DPP10: variants seen among roughly 807,000 people sequenced by gnomAD.
The protein encoded by DPP10 is dipeptidyl peptidase like 10, also known as inactive dipeptidyl peptidase 10.
DPP10 carries 33 observed loss-of-function variants against 120.9 expected under a neutral mutation model. The observed-to-expected ratio is 0.27, with a 90% CI of 0.21 to 0.37. DPP10 has a LOEUF of 0.37. Ranked by LOEUF, DPP10 falls within the 10% of genes least tolerant of loss-of-function variation. DPP10 has a pLI of 1.00. For synonymous variants in DPP10, 337 were observed against 326.1 expected, an observed-to-expected ratio of 1.03 and a Z score of -0.36; for missense variants, 816 against 942.8, an observed-to-expected ratio of 0.87 and a Z score of 1.76.
At chr2:114,626,876 T>C (rs1235014280) in intron 1 of DPP10, among the ~76,000 whole-genome samples, 2 of 152,144 alleles carry the variant, frequency 1.3e-5, no homozygotes, top group African/African-American at 4.8e-5. Flanking sequence ...CCCTATTCTT[T>C]GGCATTCTAT....
chr2:114,666,824 T>C (rs1280216397), intron 1 of DPP10, among the ~76,000 whole-genome samples: 1 of 152,196 alleles, frequency 6.6e-6, no homozygotes, highest in Non-Finnish European at 1.5e-5. Context: ...AAAAGGCATA[T>C]GATGGTAAAT....
chr2:115,186,843 A>G (rs572406635), intron 1 of DPP10, among the ~76,000 whole-genome samples: 1 of 152,134 alleles, frequency 6.6e-6, no homozygotes, highest in South Asian at 2.1e-4. Flanking sequence ...GGTAACTGGC[A>G]TGGCTGACTT....
chr2:114,591,354 T>C (rs1234598209), intron 1 of DPP10, among the ~76,000 whole-genome samples: 1 of 152,180 alleles, frequency 6.6e-6, no homozygotes, highest in East Asian at 1.9e-4. Context: ...AGCAAAGTCA[T>C]GGGTGGGAAG....
intron 1 of DPP10, among the ~76,000 whole-genome samples, chr2:114,841,253 A>T (rs367634537): frequency 6.6e-6 from 1 of 152,216 alleles, no homozygotes. Flanking sequence ...TTGTAGATGT[A>T]TTCTCAGATC....
Position 115,845,064 on chromosome 2 carries a change from T to A in DPP10, c.*2719T>A, listed in dbSNP as rs574679095. 7 of 152,274 alleles carry A rather than the reference T, an allele frequency of 4.6e-5. No homozygotes were observed. Among genetic ancestry groups the A allele is most frequent in the African/African-American group, 1.4e-4 (6 of 41,554 alleles). The allele number at this position is 152,274 out of a possible 1,614,324, so 9.4% of individuals were successfully genotyped here. A position where few individuals can be genotyped will look rare whatever the true frequency, so the allele number is the denominator to read the frequency against. ...GGATCTTACAGATGTCTGTTGTAGATCTATTACAATGAGGTGACTTAGACA... is the reference window on the plus strand; with the variant it reads ...GGATCTTACAGATGTCTGTTGTAGAACTATTACAATGAGGTGACTTAGACA... On this transcript the variant is annotated 3_prime_UTR_variant, in exon 26 of 26. Coordinates refer to ENST00000410059, the MANE Select transcript of DPP10 (RefSeq NM_020868.6).
rs1573337526 is a variant in DPP10 at position 115,021,926 on chromosome 2, T to C, written c.61-287313T>C. 5.3e-5 allele frequency among the ~76,000 whole-genome samples: 8 copies of C among 152,124 alleles called. 1 individual carries two copies. Among genetic ancestry groups the C allele is most frequent in the Admixed American group, 3.3e-4 (5 of 15,266 alleles). On this transcript the variant is annotated intron_variant, in intron 1 of 25. Coordinates refer to ENST00000410059, the MANE Select transcript of DPP10 (RefSeq NM_020868.6). Reference sequence around the variant, plus strand: ...AACAAAAATCACATGATCATCTCAATAGTCACAGAAAAGCGTTTGACAAAA... The same window carrying C: ...AACAAAAATCACATGATCATCTCAACAGTCACAGAAAAGCGTTTGACAAAA...
intron 3 of DPP10, among the ~76,000 whole-genome samples, chr2:115,415,223 C>T (rs1313065772): frequency 1.3e-5 from 2 of 152,118 alleles, no homozygotes; most frequent in East Asian, 1.9e-4. Flanking sequence ...TGTCTCAGCA[C>T]CCGTTTATCT....
chr2:114,691,727 G>T (rs146722425), intron 1 of DPP10, among the ~76,000 whole-genome samples: 5 of 152,036 alleles, frequency 3.3e-5, no homozygotes, highest in African/African-American at 4.8e-5. Context: ...TTTTTGGTTG[G>T]TAGACTATTT....
chr2:114,726,048 T>C (rs980927698), intron 1 of DPP10, among the ~76,000 whole-genome samples: 7 of 151,834 alleles, frequency 4.6e-5, no homozygotes, highest in Non-Finnish European at 1.0e-4. Context: ...CTGGCTAACA[T>C]GGTGAAACCC....
chr2:114,693,470 T>G (rs1699890087), intron 1 of DPP10, among the ~76,000 whole-genome samples: 1 of 151,998 alleles, frequency 6.6e-6, no homozygotes, highest in Non-Finnish European at 1.5e-5. Flanking sequence ...TGGCTTTTCC[T>G]TTGTAGGTGA....
At chr2:114,662,198 A>G (rs998198451) in intron 1 of DPP10, among the ~76,000 whole-genome samples, 1 of 152,174 alleles carries the variant, frequency 6.6e-6, no homozygotes, top group African/African-American at 2.4e-5. Context: ...AGGGGGAGCG[A>G]GAGGCGGAGG....
intron 5 of DPP10, among the ~76,000 whole-genome samples, chr2:115,603,330 C>A (rs1165240891): frequency 7.9e-6 from 1 of 127,230 alleles, no homozygotes; most frequent in Admixed American, 8.3e-5. Flanking sequence ...ACACCCACCC[C>A]CCGCCCCGCC....
intron 1 of DPP10, among the ~76,000 whole-genome samples, chr2:115,080,297 C>T (rs546032638): frequency 1.3e-5 from 2 of 152,194 alleles, no homozygotes; most frequent in Non-Finnish European, 2.9e-5. Flanking sequence ...GGATTACAGG[C>T]ATGATCCACC....
intron 1 of DPP10, among the ~76,000 whole-genome samples, chr2:115,023,862 A>AC (rs1703257986): frequency 6.6e-6 from 1 of 152,158 alleles, no homozygotes; most frequent in Non-Finnish European, 1.5e-5. Context: ...ATTCACAGCA[A>AC]CCTGGATGGA....
intron 1 of DPP10, among the ~76,000 whole-genome samples, chr2:115,058,544 C>T (rs1706129548): frequency 6.6e-6 from 1 of 152,122 alleles, no homozygotes; most frequent in African/African-American, 2.4e-5. Flanking sequence ...GGATTACAGG[C>T]ACCTGCCACC....
intron 1 of DPP10, among the ~76,000 whole-genome samples, chr2:114,484,203 A>G (rs2104695040): frequency 6.6e-6 from 1 of 152,264 alleles, no homozygotes; most frequent in Non-Finnish European, 1.5e-5. Context: ...AACTTGAGGT[A>G]TCTCCGACAA....
intron 1 of DPP10, among the ~76,000 whole-genome samples, chr2:114,539,382 T>A (rs1289392129): frequency 1.3e-5 from 2 of 152,212 alleles, no homozygotes; most frequent in South Asian, 2.1e-4. Flanking sequence ...TCCTTCCGAC[T>A]GTATTTCCTT....
intron 1 of DPP10, among the ~76,000 whole-genome samples, chr2:114,880,240 C>G (rs1391643274): frequency 6.6e-6 from 1 of 152,284 alleles, no homozygotes; most frequent in Middle Eastern, 3.4e-3. Flanking sequence ...TTGCTTTGTG[C>G]TGTTTGCAAA....
At chr2:115,682,826 T>C (rs7578699) in intron 5 of DPP10, among the ~76,000 whole-genome samples, 149,751 of 151,988 alleles carry the variant, frequency 0.99, 73,810 homozygotes, top group Middle Eastern at 1. Flanking sequence ...CATTTACAGT[T>C]AGAGAGTATT....
Sources: allele counts gnomAD v4.1 joint callset (sites outside exome capture counted in the v4.1 genomes callset), GRCh38; gene constraint gnomAD v4.1.1; transcripts MANE v1.5; gene names NCBI Gene and HGNC (gene_info 2026-07-23, HGNC 2026-07-21).